NPHP4: variants seen among roughly 807,000 people sequenced by gnomAD.
NPHP4 encodes the protein nephrocystin 4, also known as nephrocystin-4.
Under a neutral mutation model 155.8 loss-of-function variants are expected in NPHP4, and 151 were observed. That is an observed-to-expected ratio of 0.97 (90% CI 0.85 to 1.11). The LOEUF (loss-of-function observed/expected upper bound fraction) is 1.11, where lower values mean the gene tolerates loss of function less well. NPHP4 is among the 50% of genes least tolerant of loss of function. The probability of loss-of-function intolerance (pLI) is 0.00; values close to 1 mark genes in which losing one functional copy is unlikely to be tolerated. For synonymous variants in NPHP4, 845 were observed against 816.8 expected, an observed-to-expected ratio of 1.03 and a Z score of -0.59; for missense variants, 1,956 against 1,925.7, an observed-to-expected ratio of 1.02 and a Z score of -0.29.
chr1:5,955,992 C>G (rs1041264618), intron 6 of NPHP4, among the ~76,000 whole-genome samples: 3 of 145,010 alleles, frequency 2.1e-5, no homozygotes, highest in African/African-American at 7.7e-5. Flanking sequence ...AAACATCACA[C>G]TGTTCCCCAT....
intron 11 of NPHP4, among the ~76,000 whole-genome samples, chr1:5,927,128 T>C (rs1646046359): frequency 6.6e-6 from 1 of 152,238 alleles, no homozygotes; most frequent in Non-Finnish European, 1.5e-5. Context: ...TTTAACCTCC[T>C]AACCATGTGG....
At chr1:5,990,878 G>A (rs1323619596) in intron 1 of NPHP4, among the ~76,000 whole-genome samples, 1 of 152,202 alleles carries the variant, frequency 6.6e-6, no homozygotes, top group Non-Finnish European at 1.5e-5. Flanking sequence ...ATCTCCTTGA[G>A]ATCTCTGCTT....
chr1:5,864,144 A>C lies in NPHP4; in HGVS notation c.3997-111T>G, dbSNP rs994479931. On this transcript the variant is annotated intron_variant, in intron 28 of 29. Transcript: ENST00000378156. ...GTGCACCGTGCACGGGGACCCCCAC[A>C]GAGATAAGACAGACGCTCTCTGGAG... 90 of 1,310,044 alleles carry C rather than the reference A, an allele frequency of 6.9e-5. 1 individual carries two copies. In the Admixed American group the frequency reaches 8.9e-4, roughly 13 times the overall value. The allele number at this position is 1,310,044 out of a possible 1,614,324, so 81.2% of individuals were successfully genotyped here. A position where few individuals can be genotyped will look rare whatever the true frequency, so the allele number is the denominator to read the frequency against.
intron 16 of NPHP4, among the ~76,000 whole-genome samples, chr1:5,900,744 T>G (rs1026491643): frequency 2.6e-5 from 4 of 152,116 alleles, no homozygotes; most frequent in Non-Finnish European, 4.4e-5. Flanking sequence ...GTAACAAATG[T>G]TACATTTGTT....
chr1:5,913,654 C>T (rs756094038), intron 11 of NPHP4, among the ~76,000 whole-genome samples: 5 of 152,214 alleles, frequency 3.3e-5, no homozygotes, highest in African/African-American at 4.8e-5. Flanking sequence ...CCTCTGCACT[C>T]GCCTGGAGGG....
At position 5,867,967 on chromosome 1, in the gene NPHP4, C is replaced by T; in HGVS notation, c.3316-71G>A. On this transcript the variant is annotated intron_variant, in intron 23 of 29. Coordinates refer to ENST00000378156, the MANE Select transcript of NPHP4 (RefSeq NM_015102.5). The surrounding 1 kb of genome is among the most constrained non-coding windows in gnomAD (Gnocchi z 4.1). ...GAGCAGCTTCTTGTCCCTCCTTAGA[C>T]AGCACACGTATCTCCACTGTTGCCA... The T allele has an allele frequency of 3.3e-6, 5 of 1,515,304 alleles. No homozygotes were observed. The highest frequency in any genetic ancestry group is 1.4e-5 in the African/African-American group (1 of 73,008). The allele number at this position is 1,515,304 out of a possible 1,614,324, so 93.9% of individuals were successfully genotyped here. A position where few individuals can be genotyped will look rare whatever the true frequency, so the allele number is the denominator to read the frequency against.
At chr1:5,907,942 C>T (rs1002812238) in intron 12 of NPHP4, among the ~76,000 whole-genome samples, 2 of 152,174 alleles carry the variant, frequency 1.3e-5, no homozygotes, top group African/African-American at 2.4e-5. Flanking sequence ...AACACTGATG[C>T]GGAGGGCTGG....
chr1:5,886,415 A>C (rs1643812390), intron 18 of NPHP4: 1 of 152,232 alleles, frequency 6.6e-6, no homozygotes, highest in South Asian at 2.1e-4. Context: ...TGGGGTTTAC[A>C]ATCAGGCTGG....
At chr1:5,969,065 G>T in intron 4 of NPHP4, 22 bp downstream of exon 4, 3 of 1,502,958 alleles carry the variant, frequency 2.0e-6, no homozygotes, top group Non-Finnish European at 2.7e-6. Flanking sequence ...AAACCCCAGG[G>T]TTGTAGAAAC....
chr1:5,938,420 G>C (rs952167566), intron 9 of NPHP4, among the ~76,000 whole-genome samples: 1 of 152,188 alleles, frequency 6.6e-6, no homozygotes, highest in Non-Finnish European at 1.5e-5. Flanking sequence ...GCCACTGCCA[G>C]CAACAGCGGA....
chr1:5,909,220 G>A lies in NPHP4; in HGVS notation c.1442-7C>T, dbSNP rs146078470. ...GGTACTGGCGCTGGCGGGCCTGGGA[G>A]GAAGCACAGTGGGGTAGGAGAGGGA... On this transcript the variant is annotated splice_region_variant and splice_polypyrimidine_tract_variant and intron_variant, in intron 11 of 29. Coordinates refer to ENST00000378156, the MANE Select transcript of NPHP4 (RefSeq NM_015102.5). 1,953 of 1,600,056 alleles carry A rather than the reference G, an allele frequency of 1.2e-3. 17 individuals carry two copies. The African/African-American group carries it at 0.019, about 16-fold the overall frequency.
At chr1:5,919,821 C>A (rs1285576069) in intron 11 of NPHP4, among the ~76,000 whole-genome samples, 1 of 151,988 alleles carries the variant, frequency 6.6e-6, no homozygotes, top group Non-Finnish European at 1.5e-5. Flanking sequence ...TTCACTGCAG[C>A]CTCGAATTCC....
rs564487650 is a variant in NPHP4 at position 5,945,121 on chromosome 1, A to G, written c.1119+1983T>C. Among the ~76,000 whole-genome samples, 41 of 152,366 alleles carry G rather than the reference A, an allele frequency of 2.7e-4. No individual in the cohort carries two copies. The East Asian group carries it at 6.0e-3, about 22-fold the overall frequency. On this transcript the variant is annotated intron_variant, in intron 9 of 29. Transcript: ENST00000378156. ...CGCTAAGACATCTTGGTTTCAGCAT[A>G]CAGATGTCATAATCACAAGTAAATT...
rs59682435 is a variant in NPHP4 at position 5,965,780 on chromosome 1, G to A, written c.517+1519C>T. 1.4e-3 allele frequency among the ~76,000 whole-genome samples: 219 copies of A among 152,180 alleles called. 3 individuals carry two copies. In the East Asian group the frequency reaches 0.032, roughly 22 times the overall value. Reference sequence around the variant, plus strand: ...TGCTGCTGCCCAGCGATCACCCACCGCTCTCCCTCTTCTGGATAGTCTACG... The same window carrying A: ...TGCTGCTGCCCAGCGATCACCCACCACTCTCCCTCTTCTGGATAGTCTACG... On this transcript the variant is annotated intron_variant, in intron 5 of 29. Coordinates refer to ENST00000378156, the MANE Select transcript of NPHP4 (RefSeq NM_015102.5).
intron 1 of NPHP4, among the ~76,000 whole-genome samples, chr1:5,991,924 GGGGGC>G (rs1379364126): frequency 5.6e-5 from 3 of 53,214 alleles, no homozygotes; most frequent in Non-Finnish European, 1.1e-4. Context: ...AGAGAGGCCA[GGGGGC>G]AGGGGGCAGG....
chr1:5,976,420 A>T (rs1234677175), intron 3 of NPHP4, among the ~76,000 whole-genome samples: 5 of 152,198 alleles, frequency 3.3e-5, no homozygotes, highest in Non-Finnish European at 5.9e-5. Flanking sequence ...CGGGGGGCTC[A>T]CTGTGCACAT....
chr1:5,870,689 G>A (rs1055568567), intron 23 of NPHP4, among the ~76,000 whole-genome samples: 2 of 152,218 alleles, frequency 1.3e-5, no homozygotes, highest in Admixed American at 6.5e-5. Flanking sequence ...AACATCGCCA[G>A]TAACAGGACA....
In NPHP4 at chr1:5,915,371, C is replaced by T. The variant is rs370562331; in HGVS notation, c.1442-6158G>A. Among the ~76,000 whole-genome samples the T allele has an allele frequency of 1.2e-4, 18 of 151,986 alleles. 1 individual carries two copies. The South Asian group carries it at 3.3e-3, about 28-fold the overall frequency. On this transcript the variant is annotated intron_variant, in intron 11 of 29. Coordinates refer to ENST00000378156, the MANE Select transcript of NPHP4 (RefSeq NM_015102.5). Reference sequence around the variant, plus strand: ...AAAAAGTAGCTTCCTTTCATCAGGCCGTGAAAATAAAGGATGAGTCAGTAT... The same window carrying T: ...AAAAAGTAGCTTCCTTTCATCAGGCTGTGAAAATAAAGGATGAGTCAGTAT...
intron 5 of NPHP4, among the ~76,000 whole-genome samples, chr1:5,966,713 T>C (rs1651573132): frequency 6.6e-6 from 1 of 152,132 alleles, no homozygotes; most frequent in African/African-American, 2.4e-5. Context: ...GCACAGCCTC[T>C]GTGCTCTGAG....
Sources: allele counts gnomAD v4.1 joint callset (sites outside exome capture counted in the v4.1 genomes callset), GRCh38; gene constraint gnomAD v4.1.1; non-coding constraint Gnocchi (gnomAD v3.1); transcripts MANE v1.5; gene names NCBI Gene and HGNC (gene_info 2026-07-23, HGNC 2026-07-21).